The following TCERG1L variants were observed in gnomAD, a reference collection of about 807,000 sequenced individuals.
The protein encoded by TCERG1L is transcription elongation regulator 1-like protein.
Under a neutral mutation model 56.3 loss-of-function variants are expected in TCERG1L, and 37 were observed. The ratio of observed to expected loss-of-function variants is 0.66; its 90% CI spans 0.51 to 0.87. The LOEUF (loss-of-function observed/expected upper bound fraction) is 0.87. Ranked by LOEUF, TCERG1L falls within the 40% of genes least tolerant of loss-of-function variation. The pLI, the probability that TCERG1L is intolerant of heterozygous loss-of-function variation, is 0.00. For synonymous variants in TCERG1L, 324 were observed against 326.3 expected, an observed-to-expected ratio of 0.99 and a Z score of 0.08; for missense variants, 799 against 774.2, an observed-to-expected ratio of 1.03 and a Z score of -0.38.
chr10:131,240,554 AGTG>A (rs1845959667), intron 4 of TCERG1L, among the ~76,000 whole-genome samples: 1 of 152,168 alleles, frequency 6.6e-6, no homozygotes, highest in Admixed American at 6.5e-5. Flanking sequence ...TGAGTGAGTG[AGTG>A]AGCGTCTGTC....
chr10:131,198,740 G>T (rs56257755), intron 4 of TCERG1L, among the ~76,000 whole-genome samples: 1 of 151,990 alleles, frequency 6.6e-6, no homozygotes, highest in African/African-American at 2.4e-5. Context: ...GTATCCACTA[G>T]GCATTACTCT....
At chr10:131,253,523 A>G (rs560590994) in intron 4 of TCERG1L, among the ~76,000 whole-genome samples, 10 of 152,254 alleles carry the variant, frequency 6.6e-5, no homozygotes, top group African/African-American at 2.4e-4. Context: ...TGAGCTTCCC[A>G]TCAGAGATTC....
chr10:131,280,545 G>A (rs1846440187), intron 3 of TCERG1L, among the ~76,000 whole-genome samples: 2 of 152,130 alleles, frequency 1.3e-5, no homozygotes, highest in South Asian at 2.1e-4. Flanking sequence ...ATCTCAGTGA[G>A]CTGAGTGGTG....
Position 131,116,828 on chromosome 10 carries a change from G to A in TCERG1L, c.1366C>T (p.His456Tyr). ...CTCTCCAGCAGCATGTCTCGGAAGT[G>A]GGTCACACGCTCCTCCAGAGGCAGG... ...ILLPLEERVT[H>Y]FRDMLLERGV... The change falls in exon 9 of 12, where the codon CAC (histidine) becomes TAC (tyrosine). Residue 456 changes from histidine to tyrosine, a missense_variant. Physicochemically the swap from His to Tyr is moderately conservative, Grantham distance 83. Transcript: ENST00000368642. 1.3e-6 allele frequency: 2 copies of A among 1,573,306 alleles called. No homozygotes were observed. The highest frequency in any genetic ancestry group is 1.7e-6 in the Non-Finnish European group (2 of 1,159,968).
At chr10:131,247,663 T>C (rs1846053908) in intron 4 of TCERG1L, among the ~76,000 whole-genome samples, 1 of 152,138 alleles carries the variant, frequency 6.6e-6, no homozygotes, top group East Asian at 1.9e-4. Context: ...CCAAGAGATT[T>C]TAGAGGAGAT....
At chr10:131,123,010 G>A (rs533520843) in intron 8 of TCERG1L, among the ~76,000 whole-genome samples, 108 of 152,302 alleles carry the variant, frequency 7.1e-4, no homozygotes, top group Middle Eastern at 3.4e-3. Flanking sequence ...AACCTGCCTC[G>A]TTTCTCTGAG....
At chr10:131,110,586 G>A (rs1367005251) in intron 9 of TCERG1L, among the ~76,000 whole-genome samples, 1 of 152,228 alleles carries the variant, frequency 6.6e-6, no homozygotes, top group Non-Finnish European at 1.5e-5. Context: ...CTGTGGATGG[G>A]CCAGGGTGAG....
intron 4 of TCERG1L, among the ~76,000 whole-genome samples, chr10:131,215,527 G>A (rs553466372): frequency 3.0e-4 from 45 of 152,310 alleles, no homozygotes; most frequent in African/African-American, 8.9e-4. Flanking sequence ...GAGGAAACTC[G>A]GAGACCTGAT....
At chr10:131,234,407 C>G (rs576047079) in intron 4 of TCERG1L, among the ~76,000 whole-genome samples, 2 of 152,054 alleles carry the variant, frequency 1.3e-5, no homozygotes, top group Non-Finnish European at 2.9e-5. Flanking sequence ...ACACCAAATT[C>G]TCAAAATGAT....
At chr10:131,144,099 C>T (rs554318791) in intron 7 of TCERG1L, among the ~76,000 whole-genome samples, 4 of 152,242 alleles carry the variant, frequency 2.6e-5, no homozygotes, top group Admixed American at 6.5e-5. Context: ...CATACACACA[C>T]GCTCCCGAGA....
intron 3 of TCERG1L, among the ~76,000 whole-genome samples, chr10:131,282,915 T>C (rs1258032057): frequency 6.6e-6 from 1 of 152,240 alleles, no homozygotes; most frequent in Non-Finnish European, 1.5e-5. Flanking sequence ...ATAAGTTCAT[T>C]TCTTATGGGT....
At chr10:131,166,036 C>A (rs11017777) in intron 5 of TCERG1L, among the ~76,000 whole-genome samples, 26,482 of 152,220 alleles carry the variant, frequency 0.17, 2,757 homozygotes, top group East Asian at 0.32. Flanking sequence ...TTAATTTGCT[C>A]TATTTGTGAT....
chr10:131,311,489 C>T lies in TCERG1L; in HGVS notation c.147G>A (p.Leu49=). 1 of 1,195,336 alleles carries T rather than the reference C, an allele frequency of 8.4e-7. No homozygotes were observed. Among genetic ancestry groups the T allele is most frequent in the Non-Finnish European group, 1.0e-6 (1 of 963,958 alleles). 74.0% of individuals were successfully genotyped at this position (1,195,336 alleles called of 1,614,324 possible). A position where few individuals can be genotyped will look rare whatever the true frequency, so the allele number is the denominator to read the frequency against. Residue 49 remains leucine (L), a synonymous_variant, in exon 1 of 12, where the codon CTG becomes CTA. Coordinates refer to ENST00000368642, the MANE Select transcript of TCERG1L (RefSeq NM_174937.4). The surrounding 1 kb of genome is among the most constrained non-coding windows in gnomAD (Gnocchi z 4.0). ...WVWMVPGSAG[L]LRLSAGVVVP... ...CCACGACCCCCGCGCTGAGCCGGAG[C>T]AGCCCGGCCGAGCCCGGCACCATCC...
chr10:131,170,018 A>G (rs1197614019), intron 4 of TCERG1L, among the ~76,000 whole-genome samples: 1 of 152,092 alleles, frequency 6.6e-6, no homozygotes, highest in African/African-American at 2.4e-5. Flanking sequence ...CTTAGAGGAG[A>G]TATTGTTGAT....
At chr10:131,168,594 C>T (rs1265381616) in intron 4 of TCERG1L, among the ~76,000 whole-genome samples, 1 of 152,220 alleles carries the variant, frequency 6.6e-6, no homozygotes, top group Non-Finnish European at 1.5e-5. Context: ...GGCAGAAACA[C>T]AGCATTCCAC....
chr10:131,255,200 G>C lies in TCERG1L; in HGVS notation c.856+5059C>G, dbSNP rs116291310. Among the ~76,000 whole-genome samples the C allele has an allele frequency of 8.4e-3, 1,276 of 152,264 alleles. 23 individuals are homozygous for C. The highest frequency in any genetic ancestry group is 0.029 in the African/African-American group (1,195 of 41,534). On this transcript the variant is annotated intron_variant, in intron 4 of 11. Coordinates refer to ENST00000368642, the MANE Select transcript of TCERG1L (RefSeq NM_174937.4). ...GGAAACATTCCCCACTGGCAGAGGG[G>C]ACAAGGTGTTATATGACTTCATACA... is the stretch of plus-strand genomic sequence containing the variant.
At chr10:131,216,989 C>T (rs1012027864) in intron 4 of TCERG1L, among the ~76,000 whole-genome samples, 1 of 152,170 alleles carries the variant, frequency 6.6e-6, no homozygotes, top group African/African-American at 2.4e-5. Flanking sequence ...CAAGCTGTCT[C>T]ACTCCTCCAC....
At chr10:131,191,755 C>A (rs762658050) in intron 4 of TCERG1L, among the ~76,000 whole-genome samples, 9 of 136,410 alleles carry the variant, frequency 6.6e-5, no homozygotes, top group Non-Finnish European at 1.4e-4. Context: ...GTCCCAGCTA[C>A]TCGGGAGGCT....
At chr10:131,174,954 C>CATCCCTCTAATGGG (rs1846131906) in intron 4 of TCERG1L, among the ~76,000 whole-genome samples, 1 of 151,860 alleles carries the variant, frequency 6.6e-6, no homozygotes, top group Non-Finnish European at 1.5e-5. Context: ...AGCCTGAACC[C>CATCCCTCTAATGGG]ACCCCAATAA....
Sources: allele counts gnomAD v4.1 joint callset (sites outside exome capture counted in the v4.1 genomes callset), GRCh38; gene constraint gnomAD v4.1.1; non-coding constraint Gnocchi (gnomAD v3.1); transcripts MANE v1.5; gene names NCBI Gene and HGNC (gene_info 2026-07-23, HGNC 2026-07-21).